The following SYNJ2BP variants were observed in gnomAD, a reference collection of about 807,000 sequenced individuals.
SYNJ2BP encodes the protein synaptojanin-2-binding protein.
SYNJ2BP carries 10 observed loss-of-function variants against 16.9 expected under a neutral mutation model. That is an observed-to-expected ratio of 0.59 (90% CI 0.36 to 1.00). The LOEUF is 1.00. Among genes scored for constraint, SYNJ2BP ranks in the 50% least tolerant of loss-of-function variants. The pLI is 0.01. For synonymous variants in SYNJ2BP, 54 were observed against 68.4 expected, an observed-to-expected ratio of 0.79 and a Z score of 1.04; for missense variants, 162 against 186.7, an observed-to-expected ratio of 0.87 and a Z score of 0.77.
chr14:70,383,888 C>T (rs1206418153), intron 2 of SYNJ2BP, among the ~76,000 whole-genome samples: 1 of 151,768 alleles, frequency 6.6e-6, no homozygotes, highest in African/African-American at 2.4e-5. Flanking sequence ...GAAAATTTTT[C>T]TTTCTTAAGT....
chr14:70,410,482 C>G (rs901324157), intron 1 of SYNJ2BP, among the ~76,000 whole-genome samples: 12 of 152,070 alleles, frequency 7.9e-5, no homozygotes, highest in African/African-American at 2.9e-4. Context: ...TCAGTTTGCT[C>G]AGTCATTTAA....
intron 2 of SYNJ2BP, among the ~76,000 whole-genome samples, chr14:70,381,351 C>T (rs1278961113): frequency 6.6e-6 from 1 of 152,176 alleles, no homozygotes; most frequent in Non-Finnish European, 1.5e-5. Flanking sequence ...CTTTAAAACC[C>T]CAAATAAGAG....
At chr14:70,373,163 G>A in intron 3 of SYNJ2BP, 32 bp from the exon 4 acceptor site, 1 of 1,611,538 alleles carries the variant, frequency 6.2e-7, no homozygotes, top group Non-Finnish European at 8.5e-7. Context: ...TAACTCTAGT[G>A]ACTAATGTGT....
chr14:70,371,137 C>T lies in SYNJ2BP; in HGVS notation c.*1854G>A, dbSNP rs1335168906. 1.3e-5 allele frequency: 2 copies of T among 152,182 alleles called. No individual in the cohort carries two copies. Among genetic ancestry groups the T allele is most frequent in the Non-Finnish European group, 2.9e-5 (2 of 68,044 alleles). The allele number at this position is 152,182 out of a possible 1,614,324, so 9.4% of individuals were successfully genotyped here. ...CCTATAGTATGGCCAATATATTTGGCTAATGGAAATGATTTTCTTAAAGCC... is the reference window on the plus strand; with the variant it reads ...CCTATAGTATGGCCAATATATTTGGTTAATGGAAATGATTTTCTTAAAGCC... On this transcript the variant is annotated 3_prime_UTR_variant, in exon 4 of 4. Coordinates refer to ENST00000256366, the MANE Select transcript of SYNJ2BP (RefSeq NM_018373.3).
At position 70,399,099 on chromosome 14, in the gene SYNJ2BP, TG is replaced by T. The variant is rs1172631638; in HGVS notation, c.65-10494del. ...CTGCAGTGCCCGTGGTGGGTGGGTG[TG>T]GTGGGTGCTCCGCTGGCCAGGTCCC... On this transcript the variant is annotated intron_variant, in intron 1 of 3. Transcript: ENST00000256366. Among the ~76,000 whole-genome samples, 14 of 151,408 alleles carry T rather than the reference TG, an allele frequency of 9.2e-5. 2 individuals are homozygous for T. The East Asian group carries it at 2.8e-3, about 30-fold the overall frequency.
chr14:70,405,290 T>G (rs1273405621), intron 1 of SYNJ2BP, among the ~76,000 whole-genome samples: 1 of 152,046 alleles, frequency 6.6e-6, no homozygotes, highest in East Asian at 1.9e-4. Flanking sequence ...TGAATGATAA[T>G]GGGGAAATAA....
intron 1 of SYNJ2BP, among the ~76,000 whole-genome samples, chr14:70,407,745 T>A (rs1888379229): frequency 6.6e-6 from 1 of 152,170 alleles, no homozygotes; most frequent in Non-Finnish European, 1.5e-5. Context: ...CTTTGCATTA[T>A]ACAGTAAACA....
intron 2 of SYNJ2BP, among the ~76,000 whole-genome samples, chr14:70,383,662 C>T (rs1417546636): frequency 6.6e-6 from 1 of 152,096 alleles, no homozygotes; most frequent in African/African-American, 2.4e-5. Flanking sequence ...TAGGCAGACA[C>T]ACAAGGAATG....
chr14:70,390,995 C>T lies in SYNJ2BP; in HGVS notation c.65-2389G>A, dbSNP rs983813490. Among the ~76,000 whole-genome samples, 13 of 152,072 alleles carry T rather than the reference C, an allele frequency of 8.5e-5. No individual in the cohort carries two copies. The South Asian group carries it at 2.1e-3, about 24-fold the overall frequency. On this transcript the variant is annotated intron_variant, in intron 1 of 3. Coordinates refer to ENST00000256366, the MANE Select transcript of SYNJ2BP (RefSeq NM_018373.3). Reference sequence around the variant, plus strand: ...CCAAAAATACAAAAAATTAGACACGCGTGGTGGCACATGACCAACATTGGG... The same window carrying T: ...CCAAAAATACAAAAAATTAGACACGTGTGGTGGCACATGACCAACATTGGG...
At chr14:70,380,661 C>CAAA (rs11453577) in intron 2 of SYNJ2BP, among the ~76,000 whole-genome samples, 1 of 141,010 alleles carries the variant, frequency 7.1e-6, no homozygotes, top group African/African-American at 2.6e-5. Flanking sequence ...GACTCTGTCT[C>CAAA]AAAAAAAAAA....
chr14:70,377,442 G>C (rs1887655978), intron 2 of SYNJ2BP, among the ~76,000 whole-genome samples: 1 of 152,120 alleles, frequency 6.6e-6, no homozygotes, highest in African/African-American at 2.4e-5. Context: ...CTCATTTGCT[G>C]AACTCCTTAA....
intron 3 of SYNJ2BP, 43 bp downstream of exon 3, chr14:70,375,633 G>A: frequency 6.3e-7 from 1 of 1,597,920 alleles, no homozygotes; most frequent in South Asian, 1.1e-5. Flanking sequence ...GAAGTACAGT[G>A]CAAAAGCCTG....
At chr14:70,406,598 C>T (rs527414675) in intron 1 of SYNJ2BP, among the ~76,000 whole-genome samples, 6 of 152,284 alleles carry the variant, frequency 3.9e-5, no homozygotes, top group East Asian at 1.9e-4. Flanking sequence ...GATAACATCG[C>T]GATTGTAAAA....
intron 2 of SYNJ2BP, among the ~76,000 whole-genome samples, chr14:70,384,441 T>C (rs1200359990): frequency 6.6e-6 from 1 of 152,204 alleles, no homozygotes; most frequent in Non-Finnish European, 1.5e-5. Context: ...GTACATTTCA[T>C]AGTTATGGCC....
At chr14:70,375,081 C>T (rs533555690) in intron 3 of SYNJ2BP, among the ~76,000 whole-genome samples, 4 of 151,402 alleles carry the variant, frequency 2.6e-5, no homozygotes, top group African/African-American at 9.7e-5. Context: ...CCACACCTGG[C>T]TTTTCTTTAA....
At chr14:70,374,286 A>G (rs555204342) in intron 3 of SYNJ2BP, among the ~76,000 whole-genome samples, 49 of 152,310 alleles carry the variant, frequency 3.2e-4, no homozygotes, top group African/African-American at 1.1e-3. Context: ...CTGATGACCA[A>G]TATTATCTCT....
Position 70,388,365 on chromosome 14 carries a change from G to C in SYNJ2BP, c.201+105C>G. The C allele has an allele frequency of 5.8e-6, 8 of 1,378,866 alleles. No individual in the cohort carries two copies. In the South Asian group the frequency reaches 1.7e-4, roughly 29 times the overall value. 85.4% of individuals were successfully genotyped at this position (1,378,866 alleles called of 1,614,324 possible). ...TTGTTCCCATTCAACTCTACAACCT[G>C]TATATTTCCAGATCCAAATCTTTTC... is the stretch of plus-strand genomic sequence containing the variant. On this transcript the variant is annotated intron_variant, in intron 2 of 3. Transcript: ENST00000256366.
intron 2 of SYNJ2BP, among the ~76,000 whole-genome samples, chr14:70,377,481 CT>C (rs1887657256): frequency 6.6e-6 from 1 of 152,188 alleles, no homozygotes; most frequent in Non-Finnish European, 1.5e-5. Flanking sequence ...TGTTCCAGAC[CT>C]TTTTCCACCA....
At position 70,372,999 on chromosome 14, in the gene SYNJ2BP, G is replaced by A. The variant is rs1243116912; in HGVS notation, c.430C>T (p.Gln144Ter). 6.2e-7 allele frequency: 1 copy of A among 1,613,956 alleles called. No homozygotes were observed. The highest frequency in any genetic ancestry group is 8.5e-7 in the Non-Finnish European group (1 of 1,180,008). Residue 144 changes from glutamine to a stop codon, truncating the protein, a stop_gained, in exon 4 of 4, where the codon CAA becomes TAA. Transcript: ENST00000256366. LOFTEE classifies it high-confidence loss of function. ...GAAAGAGAGCAAGTTTTTCAAAGTT[G>A]TTGCCGGTATCTCATGAAAGCCCAG... is the stretch of plus-strand genomic sequence containing the variant. ...AAWAFMRYRQ[Q>*]L
Sources: allele counts gnomAD v4.1 joint callset (sites outside exome capture counted in the v4.1 genomes callset), GRCh38; gene constraint gnomAD v4.1.1; transcripts MANE v1.5; gene names NCBI Gene and HGNC (gene_info 2026-07-23, HGNC 2026-07-21).